Variants in MAGI1 observed in about 807,000 individuals in gnomAD.
The protein encoded by MAGI1 is membrane-associated guanylate kinase, WW and PDZ domain-containing protein 1.
MAGI1 carries 58 observed loss-of-function variants against 139.9 expected under a neutral mutation model. The observed-to-expected ratio is 0.41, with a 90% CI of 0.34 to 0.52. The LOEUF (loss-of-function observed/expected upper bound fraction) is 0.52, where lower values mean the gene tolerates loss of function less well. Among genes scored for constraint, MAGI1 ranks in the 20% least tolerant of loss-of-function variants. The pLI is 0.12. For synonymous variants in MAGI1, 812 were observed against 737.9 expected (o/e 1.10, Z -1.63); for missense variants, 1,874 against 1,901.6 (o/e 0.99, Z 0.27).
intron 1 of MAGI1, among the ~76,000 whole-genome samples, chr3:65,704,860 A>C (rs1380049134): frequency 6.6e-6 from 1 of 152,000 alleles, no homozygotes; most frequent in East Asian, 1.9e-4. Context: ...TCTGCAGTAG[A>C]TGTGCACTTC....
chr3:65,700,641 T>C (rs944946109), intron 1 of MAGI1, among the ~76,000 whole-genome samples: 1 of 152,122 alleles, frequency 6.6e-6, no homozygotes, highest in East Asian at 1.9e-4. Context: ...CCACATCTGA[T>C]TTCATCCTAA....
chr3:65,920,657 C>G (rs2062130950), intron 1 of MAGI1, among the ~76,000 whole-genome samples: 1 of 152,182 alleles, frequency 6.6e-6, no homozygotes, highest in African/African-American at 2.4e-5. Context: ...TTTCACATTT[C>G]AGAAGAAAAT....
intron 2 of MAGI1, among the ~76,000 whole-genome samples, chr3:65,506,097 T>G (rs1013675373): frequency 1.3e-5 from 2 of 152,142 alleles, no homozygotes; most frequent in African/African-American, 2.4e-5. Flanking sequence ...AGAATGGCAG[T>G]CCAGAGAAAC....
chr3:65,376,297 G>A (rs1942517485), intron 17 of MAGI1, among the ~76,000 whole-genome samples: 1 of 152,194 alleles, frequency 6.6e-6, no homozygotes, highest in South Asian at 2.1e-4. Flanking sequence ...CTTATTTTGG[G>A]ACTGCAAATG....
chr3:65,823,493 T>C (rs536935528), intron 1 of MAGI1, among the ~76,000 whole-genome samples: 18 of 152,356 alleles, frequency 1.2e-4, no homozygotes, highest in African/African-American at 4.3e-4. Flanking sequence ...CCAAGGCTCA[T>C]GGGAGCAATG....
Position 65,880,423 on chromosome 3 carries a change from C to T in MAGI1, c.313+157573G>A, listed in dbSNP as rs182594598. 2.6e-3 allele frequency among the ~76,000 whole-genome samples: 401 copies of T among 152,242 alleles called. 2 individuals carry two copies. The highest frequency in any genetic ancestry group is 3.9e-3 in the Non-Finnish European group (265 of 68,026). ...GCTAAATGGTATATATACAACATCT[C>T]ATATCCCCTGTCAGGAAGGACTCCA... On this transcript the variant is annotated intron_variant, in intron 1 of 22. Transcript: ENST00000402939.
chr3:65,580,453 A>G (rs1297381394), intron 2 of MAGI1, among the ~76,000 whole-genome samples: 1 of 152,138 alleles, frequency 6.6e-6, no homozygotes, highest in Non-Finnish European at 1.5e-5. Flanking sequence ...CAGTGACCCA[A>G]AGTCAAACAC....
At chr3:65,627,463 C>T (rs2084031603) in intron 1 of MAGI1, among the ~76,000 whole-genome samples, 2 of 118,494 alleles carry the variant, frequency 1.7e-5, no homozygotes, top group African/African-American at 6.1e-5. Flanking sequence ...TCTTGATTTG[C>T]CGTTATTTTA....
chr3:66,012,994 A>C (rs1184898714), intron 1 of MAGI1, among the ~76,000 whole-genome samples: 1 of 152,208 alleles, frequency 6.6e-6, no homozygotes, highest in Admixed American at 6.5e-5. Context: ...GTTTGCATGT[A>C]GCTCATTTAA....
chr3:65,520,003 C>T (rs902107769), intron 2 of MAGI1, among the ~76,000 whole-genome samples: 1 of 152,078 alleles, frequency 6.6e-6, no homozygotes, highest in East Asian at 1.9e-4. Context: ...CTGCCTCACT[C>T]GGAGAAAGCT....
chr3:65,888,145 T>G (rs58687721), intron 1 of MAGI1, among the ~76,000 whole-genome samples: 8,989 of 152,252 alleles, frequency 0.059, 447 homozygotes, highest in African/African-American at 0.14. Context: ...CTATCCAACC[T>G]GATGGTAAGA....
chr3:65,777,391 A>G (rs554315472), intron 1 of MAGI1, among the ~76,000 whole-genome samples: 1 of 152,326 alleles, frequency 6.6e-6, no homozygotes, highest in Admixed American at 6.5e-5. Context: ...GAAAAAAAGT[A>G]AGTACTGACA....
At chr3:65,699,675 A>T (rs1005078088) in intron 1 of MAGI1, among the ~76,000 whole-genome samples, 1 of 143,270 alleles carries the variant, frequency 7.0e-6, no homozygotes, top group African/African-American at 2.6e-5. Context: ...GGAATTGAAC[A>T]ATGAGATCAC....
chr3:65,475,919 C>A (rs1192641727), intron 4 of MAGI1, among the ~76,000 whole-genome samples: 2 of 151,974 alleles, frequency 1.3e-5, no homozygotes, highest in South Asian at 4.1e-4. Context: ...AAGATAGAAA[C>A]AGCAGCAAGT....
chr3:65,402,346 C>T (rs779116603), intron 12 of MAGI1, among the ~76,000 whole-genome samples: 16 of 152,166 alleles, frequency 1.1e-4, no homozygotes, highest in African/African-American at 3.9e-4. Context: ...CTGGAAGGGA[C>T]AAGTGATCTC....
At chr3:65,804,383 T>C (rs2040709090) in intron 1 of MAGI1, among the ~76,000 whole-genome samples, 1 of 151,710 alleles carries the variant, frequency 6.6e-6, no homozygotes, top group Non-Finnish European at 1.5e-5. Flanking sequence ...AATAAATTGA[T>C]ATAAATTTAT....
chr3:65,970,958 A>C (rs547455838), intron 1 of MAGI1, among the ~76,000 whole-genome samples: 26 of 152,330 alleles, frequency 1.7e-4, no homozygotes, highest in Admixed American at 1.5e-3. Flanking sequence ...TAATCCCAGC[A>C]CTTTGGGAGG....
intron 1 of MAGI1, among the ~76,000 whole-genome samples, chr3:65,675,144 T>A (rs1203622648): frequency 6.6e-6 from 1 of 152,172 alleles, no homozygotes; most frequent in Non-Finnish European, 1.5e-5. Context: ...TCAATCACAA[T>A]GTGTGGGCAC....
chr3:65,813,653 C>T (rs185873035), intron 1 of MAGI1, among the ~76,000 whole-genome samples: 9 of 152,236 alleles, frequency 5.9e-5, no homozygotes, highest in African/African-American at 1.7e-4. Flanking sequence ...TCATCTTTGA[C>T]CCAGCCATTC....
Sources: allele counts gnomAD v4.1 joint callset (sites outside exome capture counted in the v4.1 genomes callset), GRCh38; gene constraint gnomAD v4.1.1; transcripts MANE v1.5; gene names NCBI Gene and HGNC (gene_info 2026-07-23, HGNC 2026-07-21).